RBFOX1: variants seen among roughly 807,000 people sequenced by gnomAD.
RBFOX1 encodes the protein RNA binding protein fox-1 homolog 1.
RBFOX1 carries 8 observed loss-of-function variants against 57.7 expected under a neutral mutation model. The observed-to-expected ratio is 0.14, with a 90% confidence interval of 0.08 to 0.25. RBFOX1 has a LOEUF of 0.25. RBFOX1 is among the 10% of genes least tolerant of loss of function. The probability of loss-of-function intolerance (pLI) is 1.00; values close to 1 mark genes in which losing one functional copy is unlikely to be tolerated. For synonymous variants in RBFOX1, 326 were observed against 222.4 expected (o/e 1.47, Z -4.15); for missense variants, 611 against 548.5 (o/e 1.11, Z -1.14).
At chr16:7,466,146 G>C (rs2060477505) in intron 4 of RBFOX1, among the ~76,000 whole-genome samples, 1 of 152,060 alleles carries the variant, frequency 6.6e-6, no homozygotes. Context: ...ACACCATCTG[G>C]GTCAGCAATA....
At chr16:5,886,352 C>T (rs372003936) in intron 4 of RBFOX1, among the ~76,000 whole-genome samples, 1 of 152,068 alleles carries the variant, frequency 6.6e-6, no homozygotes, top group African/African-American at 2.4e-5. Context: ...AGTGCTTAGC[C>T]CAGTACCCAG....
chr16:7,361,628 A>T (rs1294051539), intron 4 of RBFOX1, among the ~76,000 whole-genome samples: 1 of 152,128 alleles, frequency 6.6e-6, no homozygotes, highest in African/African-American at 2.4e-5. Flanking sequence ...CCAAACACAC[A>T]CCAAACAGGT....
intron 2 of RBFOX1, among the ~76,000 whole-genome samples, chr16:6,649,325 G>A (rs1001350556): frequency 1.9e-4 from 29 of 152,104 alleles, no homozygotes; most frequent in African/African-American, 5.8e-4. Context: ...TACCACATTT[G>A]CTTTATGTGG....
At position 6,145,357 on chromosome 16, in the gene RBFOX1, G is replaced by C. The variant is rs138702012; in HGVS notation, c.-127+125365G>C. Among the ~76,000 whole-genome samples, 38 of 152,194 alleles carry C rather than the reference G, an allele frequency of 2.5e-4. 2 individuals are homozygous for C. The East Asian group carries it at 5.2e-3, about 21-fold the overall frequency. The stretch of plus-strand genomic sequence containing the variant: ...CAACTCCATCCATGTCCCTGCAAAA[G>C]ACACAATCTTGTTTTTTTTAATGGC... On this transcript the variant is annotated intron_variant, in intron 1 of 15. Coordinates refer to ENST00000550418, the MANE Select transcript of RBFOX1 (RefSeq NM_018723.4).
chr16:6,783,580 CTCTG>C (rs1311132308), intron 3 of RBFOX1, among the ~76,000 whole-genome samples: 13 of 151,946 alleles, frequency 8.6e-5, no homozygotes, highest in African/African-American at 3.1e-4. Flanking sequence ...TTTTTGCTAT[CTCTG>C]TCTTTTTTAC....
At chr16:6,736,757 G>T (rs1298714145) in intron 3 of RBFOX1, among the ~76,000 whole-genome samples, 1 of 152,184 alleles carries the variant, frequency 6.6e-6, no homozygotes, top group African/African-American at 2.4e-5. Flanking sequence ...AGTTTAGAAG[G>T]ACAGGTTGTG....
At chr16:6,646,850 C>T (rs544324622) in intron 2 of RBFOX1, among the ~76,000 whole-genome samples, 1 of 151,878 alleles carries the variant, frequency 6.6e-6, no homozygotes, top group Non-Finnish European at 1.5e-5. Context: ...ACTCAGTGTC[C>T]GAAGTCAAGC....
intron 3 of RBFOX1, among the ~76,000 whole-genome samples, chr16:5,822,829 C>T (rs920504014): frequency 1.6e-4 from 24 of 152,276 alleles, no homozygotes; most frequent in Non-Finnish European, 2.2e-4. Context: ...TAAGTTCCAG[C>T]TCTGCCATGC....
At chr16:7,059,273 G>A (rs2053507607) in intron 4 of RBFOX1, among the ~76,000 whole-genome samples, 1 of 152,128 alleles carries the variant, frequency 6.6e-6, no homozygotes, top group Admixed American at 6.5e-5. Context: ...GGAAGAAAAT[G>A]TAAGCCCCCC....
chr16:6,743,341 A>C (rs1448707636), intron 3 of RBFOX1, among the ~76,000 whole-genome samples: 1 of 152,208 alleles, frequency 6.6e-6, no homozygotes, highest in Middle Eastern at 3.2e-3. Context: ...ATTAAATATT[A>C]ATGTTCTAAA....
chr16:5,428,696 G>C (rs948946460), intron 1 of RBFOX1, among the ~76,000 whole-genome samples: 2 of 152,140 alleles, frequency 1.3e-5, no homozygotes, highest in African/African-American at 4.8e-5. Flanking sequence ...TGGACATCTG[G>C]GGGAAAGTGT....
intron 1 of RBFOX1, among the ~76,000 whole-genome samples, chr16:6,042,700 T>G (rs142211884): frequency 6.6e-6 from 1 of 152,236 alleles, no homozygotes; most frequent in East Asian, 1.9e-4. Flanking sequence ...CTAAGATGAC[T>G]GGGTTATAGT....
At position 5,665,734 on chromosome 16, in the gene RBFOX1, C is replaced by G. The variant is rs188726040; in HGVS notation, c.318+66773C>G. Among the ~76,000 whole-genome samples the G allele has an allele frequency of 2.6e-5, 4 of 152,294 alleles. No homozygotes were observed. The East Asian group carries it at 7.7e-4, about 29-fold the overall frequency. On this transcript the variant is annotated intron_variant, in intron 3 of 19. Transcript: ENST00000641259. ...TGAGTGTCCTGATCTTAGCACAGAT[C>G]CTGGAAAACTCAGCTGCCCCAGTCC...
chr16:6,925,054 A>G (rs1203753779), intron 3 of RBFOX1, among the ~76,000 whole-genome samples: 1 of 131,178 alleles, frequency 7.6e-6, no homozygotes, highest in Non-Finnish European at 1.6e-5. Flanking sequence ...TCCATGGTGT[A>G]TATGTGCCAC....
At chr16:5,777,703 AC>A (rs2054191916) in intron 3 of RBFOX1, among the ~76,000 whole-genome samples, 2 of 152,298 alleles carry the variant, frequency 1.3e-5, no homozygotes, top group Admixed American at 1.3e-4. Context: ...ATGAAAAGTG[AC>A]CATCACACAG....
chr16:6,066,291 C>A (rs2095760539), intron 1 of RBFOX1, among the ~76,000 whole-genome samples: 1 of 29,984 alleles, frequency 3.3e-5, no homozygotes, highest in Non-Finnish European at 4.6e-5. Context: ...AAGACTCTGT[C>A]TCAAAAAAAA....
intron 3 of RBFOX1, among the ~76,000 whole-genome samples, chr16:6,742,069 A>T (rs2072335850): frequency 6.6e-6 from 1 of 152,140 alleles, no homozygotes; most frequent in African/African-American, 2.4e-5. Context: ...CAGTGTATAC[A>T]TTTTTCAAAA....
intron 11 of RBFOX1, among the ~76,000 whole-genome samples, chr16:7,645,875 A>T (rs1226696563): frequency 6.6e-6 from 1 of 152,128 alleles, no homozygotes; most frequent in Non-Finnish European, 1.5e-5. Context: ...GAGATTCGAC[A>T]AATTAAGTGG....
chr16:5,962,388 C>T (rs184981575), intron 4 of RBFOX1, among the ~76,000 whole-genome samples: 2 of 152,174 alleles, frequency 1.3e-5, no homozygotes, highest in Non-Finnish European at 1.5e-5. Context: ...ATATGAAGCA[C>T]TCAGGGGACC....
Sources: allele counts gnomAD v4.1 joint callset (sites outside exome capture counted in the v4.1 genomes callset), GRCh38; gene constraint gnomAD v4.1.1; transcripts MANE v1.5; gene names NCBI Gene and HGNC (gene_info 2026-07-23, HGNC 2026-07-21).